Variants in FSIP1 observed in about 807,000 individuals in gnomAD.
The protein encoded by FSIP1 is fibrous sheath interacting protein 1, also known as fibrous sheath-interacting protein 1.
In FSIP1, 65 loss-of-function variants were observed where a neutral mutation model predicts 60.9. That is an observed-to-expected ratio of 1.07 (90% CI 0.87 to 1.31). The LOEUF (loss-of-function observed/expected upper bound fraction) is 1.31, where lower values mean the gene tolerates loss of function less well. FSIP1 is among the 40% of genes most tolerant of loss of function. The pLI is 0.00. For missense variants in FSIP1, 675 were observed against 665.5 expected (o/e 1.01, Z -0.16); for synonymous variants, 209 against 221.2 (o/e 0.94, Z 0.49).
At chr15:39,692,364 T>C (rs1198893733) in intron 10 of FSIP1, among the ~76,000 whole-genome samples, 1 of 152,238 alleles carries the variant, frequency 6.6e-6, no homozygotes, top group Non-Finnish European at 1.5e-5. Context: ...CAAATTGTGC[T>C]TGTCAGTTCA....
Position 39,748,756 on chromosome 15 carries a change from G to A in FSIP1, c.560-6856C>T, listed in dbSNP as rs137876466. The stretch of plus-strand genomic sequence containing the variant: ...AAGTAGCCTGACATTATGCTTCAAG[G>A]AACTGCAAAAATAACAAACTAAACC... On this transcript the variant is annotated intron_variant, in intron 5 of 11. Coordinates refer to ENST00000350221, the MANE Select transcript of FSIP1 (RefSeq NM_152597.5). Among the ~76,000 whole-genome samples, 104 of 152,118 alleles carry A rather than the reference G, an allele frequency of 6.8e-4. No homozygotes were observed. The Middle Eastern group carries it at 0.014, about 20-fold the overall frequency.
At chr15:39,604,985 A>G (rs1890770413) in intron 11 of FSIP1, among the ~76,000 whole-genome samples, 1 of 152,198 alleles carries the variant, frequency 6.6e-6, no homozygotes, top group Admixed American at 6.5e-5. Flanking sequence ...TGGTATGACT[A>G]AGGACATATA....
At chr15:39,712,221 G>A (rs1895547381) in intron 10 of FSIP1, among the ~76,000 whole-genome samples, 1 of 152,090 alleles carries the variant, frequency 6.6e-6, no homozygotes, top group African/African-American at 2.4e-5. Flanking sequence ...TGGGCCTGCA[G>A]GCAGTGAGGG....
chr15:39,752,901 C>A (rs1897205621), intron 5 of FSIP1, among the ~76,000 whole-genome samples: 1 of 151,778 alleles, frequency 6.6e-6, no homozygotes. Flanking sequence ...CATAATTTTT[C>A]TATGAATGTA....
chr15:39,603,758 T>C (rs1301965992), intron 11 of FSIP1, among the ~76,000 whole-genome samples: 2 of 152,116 alleles, frequency 1.3e-5, no homozygotes, highest in African/African-American at 2.4e-5. Flanking sequence ...ATTCAGCAGA[T>C]GGGAAAAAAG....
chr15:39,619,289 G>C (rs1023766555), intron 10 of FSIP1, among the ~76,000 whole-genome samples: 1 of 152,058 alleles, frequency 6.6e-6, no homozygotes, highest in Non-Finnish European at 1.5e-5. Context: ...AAACAATTTT[G>C]TGCCATGTTT....
At chr15:39,625,733 C>G (rs1223150068) in intron 10 of FSIP1, among the ~76,000 whole-genome samples, 1 of 152,158 alleles carries the variant, frequency 6.6e-6, no homozygotes, top group Non-Finnish European at 1.5e-5. Context: ...CCCAAACTCC[C>G]AGCTAAAAAA....
chr15:39,754,445 A>G (rs781429230), intron 5 of FSIP1, among the ~76,000 whole-genome samples: 19 of 152,234 alleles, frequency 1.2e-4, no homozygotes, highest in Middle Eastern at 6.8e-3. Flanking sequence ...CAGTACAATG[A>G]TCTTGCAGGA....
rs905465378 is a variant in FSIP1, at chr15:39,771,424, C to A, written c.127-814G>T. Among the ~76,000 whole-genome samples, 3 of 152,242 alleles carry A rather than the reference C, an allele frequency of 2.0e-5. 1 individual carries two copies. Among genetic ancestry groups the A allele is most frequent in the African/African-American group, 7.2e-5 (3 of 41,458 alleles). On this transcript the variant is annotated intron_variant, in intron 2 of 11. Transcript: ENST00000350221. ...TGTTTTCTCTGCACCACATGTTCAACTCTCCACCACAATCTGCAGTCCCCT... is the reference window on the plus strand; with the variant it reads ...TGTTTTCTCTGCACCACATGTTCAAATCTCCACCACAATCTGCAGTCCCCT...
chr15:39,781,681 C>T (rs191888159), intron 1 of FSIP1, among the ~76,000 whole-genome samples: 16 of 152,336 alleles, frequency 1.1e-4, no homozygotes, highest in African/African-American at 3.8e-4. Flanking sequence ...TGAATAGCAA[C>T]TGCATGATGC....
intron 1 of FSIP1, among the ~76,000 whole-genome samples, chr15:39,780,615 T>G (rs1196557227): frequency 6.6e-6 from 1 of 152,250 alleles, no homozygotes; most frequent in Non-Finnish European, 1.5e-5. Context: ...ATCCCATAGA[T>G]GCAGCACTTT....
At chr15:39,747,192 G>A (rs1897029412) in intron 5 of FSIP1, 2 of 151,922 alleles carry the variant, frequency 1.3e-5, no homozygotes, top group African/African-American at 4.8e-5. Context: ...TTAATTTGAA[G>A]TCTAAGTTAT....
intron 5 of FSIP1, among the ~76,000 whole-genome samples, chr15:39,756,971 A>G (rs142756566): frequency 4.1e-4 from 62 of 152,196 alleles, no homozygotes; most frequent in African/African-American, 1.5e-3. Context: ...TACAATGTGA[A>G]CTCTATAGGT....
rs77841313 is a variant in FSIP1 at position 39,648,683 on chromosome 15, T to C, written c.1189-30438A>G. 1.2e-3 allele frequency among the ~76,000 whole-genome samples: 181 copies of C among 152,298 alleles called. 1 individual carries two copies. The highest frequency in any genetic ancestry group is 4.3e-3 in the African/African-American group (179 of 41,554). On this transcript the variant is annotated intron_variant, in intron 10 of 11. Transcript: ENST00000350221. ...AAAAGTAAAGGTAGGTTGGAAATGG[T>C]GAAATGTGTGATGTAATTGGTAGTT... is the stretch of plus-strand genomic sequence containing the variant.
chr15:39,726,490 G>T, intron 9 of FSIP1, 99 bp downstream of exon 9: 1 of 1,183,498 alleles, frequency 8.4e-7, no homozygotes, highest in Non-Finnish European at 1.3e-6. Context: ...ATGAAACTAT[G>T]ATCACTGGAA....
intron 10 of FSIP1, among the ~76,000 whole-genome samples, chr15:39,661,165 G>A (rs767618170): frequency 1.2e-4 from 19 of 152,134 alleles, no homozygotes; most frequent in Admixed American, 2.0e-4. Flanking sequence ...TAGATTGTTG[G>A]TATGCAAACT....
chr15:39,778,755 A>G (rs1433048410), intron 1 of FSIP1, among the ~76,000 whole-genome samples: 3 of 152,238 alleles, frequency 2.0e-5, no homozygotes, highest in African/African-American at 7.2e-5. Flanking sequence ...GTAATCTGTT[A>G]CCACAGGAAA....
At chr15:39,777,177 G>A (rs764173954) in intron 1 of FSIP1, among the ~76,000 whole-genome samples, 1 of 151,648 alleles carries the variant, frequency 6.6e-6, no homozygotes, top group Non-Finnish European at 1.5e-5. Flanking sequence ...CAGGTGATCC[G>A]CCCACCTCGG....
chr15:39,733,458 C>T (rs1017935305), intron 8 of FSIP1, among the ~76,000 whole-genome samples: 3 of 152,174 alleles, frequency 2.0e-5, no homozygotes, highest in African/African-American at 7.2e-5. Context: ...AAACGATTAA[C>T]ATTATGAGAA....
Sources: gnomAD v4.1 joint callset for allele counts (sites outside exome capture counted in the v4.1 genomes callset) on GRCh38, gnomAD v4.1.1 for gene constraint, MANE v1.5 for transcripts, NCBI Gene and HGNC (gene_info 2026-07-23, HGNC 2026-07-21) for gene names.